CRIM1: variants seen among roughly 807,000 people sequenced by gnomAD.
The protein encoded by CRIM1 is cysteine rich transmembrane BMP regulator 1.
A neutral mutation model predicts 116.4 loss-of-function variants in CRIM1; 32 were observed. That is an observed-to-expected ratio of 0.27 (90% CI 0.21 to 0.37). CRIM1 has a LOEUF of 0.37. Among genes scored for constraint, CRIM1 ranks in the 10% least tolerant of loss-of-function variants. The probability of loss-of-function intolerance (pLI) is 1.00; values close to 1 mark genes in which losing one functional copy is unlikely to be tolerated. For synonymous variants in CRIM1, 590 were observed against 509.2 expected, an observed-to-expected ratio of 1.16 and a Z score of -2.13; for missense variants, 1,331 against 1,354.8, an observed-to-expected ratio of 0.98 and a Z score of 0.28.
intron 5 of CRIM1, among the ~76,000 whole-genome samples, chr2:36,474,847 C>CAAAAAAAAAAAAAAAAAAAAAA (rs56084308): frequency 3.3e-5 from 3 of 90,742 alleles, no homozygotes; most frequent in Non-Finnish European, 6.0e-5. Context: ...GACTCTATAT[C>CAAAAAAAAAAAAAAAAAAAAAA]AAAAAAAAAA....
At chr2:36,510,232 T>C (rs1421215910) in intron 9 of CRIM1, 93 bp downstream of exon 9, 2 of 1,264,678 alleles carry the variant, frequency 1.6e-6, no homozygotes, top group African/African-American at 3.0e-5. Context: ...TGTGAATTAA[T>C]CTATGGTATA....
chr2:36,527,094 G>A (rs1005640531), intron 13 of CRIM1, among the ~76,000 whole-genome samples: 5 of 151,848 alleles, frequency 3.3e-5, no homozygotes, highest in Non-Finnish European at 7.4e-5. Context: ...AAATTCTTGA[G>A]TCAGTGTATC....
chr2:36,361,345 C>T (rs1669210274), intron 1 of CRIM1, among the ~76,000 whole-genome samples: 1 of 152,114 alleles, frequency 6.6e-6, no homozygotes, highest in Admixed American at 6.5e-5. Context: ...CTGAACAGTC[C>T]TTAATCTGTG....
intron 14 of CRIM1, among the ~76,000 whole-genome samples, chr2:36,539,529 G>A (rs1666797086): frequency 6.6e-6 from 1 of 152,190 alleles, no homozygotes; most frequent in Non-Finnish European, 1.5e-5. Context: ...CCTTTGAATG[G>A]GATTTCTCTG....
At chr2:36,547,243 G>T (rs1474607249) in intron 16 of CRIM1, 72 bp downstream of exon 16, 31 of 1,258,604 alleles carry the variant, frequency 2.5e-5, no homozygotes, top group Non-Finnish European at 3.6e-5. Context: ...GAAATTGCTT[G>T]AAACCTTGTG....
chr2:36,535,778 A>T (rs574909395), intron 13 of CRIM1, among the ~76,000 whole-genome samples: 3 of 152,194 alleles, frequency 2.0e-5, no homozygotes, highest in South Asian at 4.1e-4. Flanking sequence ...TGCCCTCCTT[A>T]TCCATAACCA....
rs1432826917 is a variant in CRIM1, at chr2:36,396,741, G to A, written c.459G>A (p.Glu153=). Residue 153 remains glutamate (E), a synonymous_variant, in exon 2 of 17, where the codon GAG becomes GAA. Coordinates refer to ENST00000280527, the MANE Select transcript of CRIM1 (RefSeq NM_016441.3). ...TTCGAACCTGCAGCAATCCCTTTGAGTTTCCAAGTCAGGATATGTGCCTTT... is the reference window on the plus strand; with the variant it reads ...TTCGAACCTGCAGCAATCCCTTTGAATTTCCAAGTCAGGATATGTGCCTTT... ...NTIRTCSNPF[E]FPSQDMCLSA... 4.3e-6 allele frequency: 7 copies of A among 1,613,554 alleles called. No individual in the cohort carries two copies. The highest frequency in any genetic ancestry group is 5.9e-6 in the Non-Finnish European group (7 of 1,179,636).
chr2:36,416,209 A>AAATAATAATAATAATAATAAT (rs70946929), intron 2 of CRIM1, among the ~76,000 whole-genome samples: 9 of 149,954 alleles, frequency 6.0e-5, no homozygotes, highest in African/African-American at 2.0e-4. Flanking sequence ...TTTTGTCTCA[A>AAATAATAATAATAATAATAAT]AATAATAATA....
At chr2:36,427,465 A>G (rs1379065995) in intron 2 of CRIM1, among the ~76,000 whole-genome samples, 1 of 152,196 alleles carries the variant, frequency 6.6e-6, no homozygotes, top group Admixed American at 6.5e-5. Flanking sequence ...CCATGGCAGC[A>G]TGAGAGGGTC....
At chr2:36,405,765 C>T (rs1438278062) in intron 2 of CRIM1, among the ~76,000 whole-genome samples, 1 of 152,116 alleles carries the variant, frequency 6.6e-6, no homozygotes, top group Non-Finnish European at 1.5e-5. Context: ...AAAAGCATAT[C>T]TTATACATTG....
At chr2:36,359,943 G>T (rs553869905) in intron 1 of CRIM1, among the ~76,000 whole-genome samples, 22 of 152,306 alleles carry the variant, frequency 1.4e-4, no homozygotes, top group African/African-American at 5.1e-4. Flanking sequence ...TGGCCAGGCT[G>T]CCTGCCTCCA....
chr2:36,540,041 A>G (rs1666840914), intron 14 of CRIM1, among the ~76,000 whole-genome samples: 2 of 152,154 alleles, frequency 1.3e-5, no homozygotes, highest in Non-Finnish European at 2.9e-5. Context: ...GCAGGTGCAG[A>G]GGGCCTAGCA....
At chr2:36,546,961 G>A in intron 15 of CRIM1, 23 bp from the exon 16 acceptor site, 5 of 1,405,708 alleles carry the variant, frequency 3.6e-6, no homozygotes, top group South Asian at 1.2e-5. Flanking sequence ...GGTAATAAAT[G>A]CTTATAATTT....
At chr2:36,443,775 A>T (rs1676042262) in intron 4 of CRIM1, among the ~76,000 whole-genome samples, 1 of 152,194 alleles carries the variant, frequency 6.6e-6, no homozygotes, top group Non-Finnish European at 1.5e-5. Context: ...ATTTGTTCTG[A>T]TAATTACTTT....
chr2:36,495,171 A>G (rs997009371), intron 7 of CRIM1, among the ~76,000 whole-genome samples: 1 of 152,160 alleles, frequency 6.6e-6, no homozygotes. Context: ...GAAACACGCC[A>G]AAGATAGGGG....
chr2:36,435,812 A>G (rs1386311408), intron 2 of CRIM1, among the ~76,000 whole-genome samples: 1 of 152,024 alleles, frequency 6.6e-6, no homozygotes, highest in African/African-American at 2.4e-5. Flanking sequence ...GCCTGTCAAT[A>G]TTTTAATACT....
chr2:36,383,323 T>A (rs984433642), intron 1 of CRIM1, among the ~76,000 whole-genome samples: 1 of 152,260 alleles, frequency 6.6e-6, no homozygotes, highest in Non-Finnish European at 1.5e-5. Flanking sequence ...TTTTAAAATA[T>A]CTGAAAGTTA....
chr2:36,480,721 T>C (rs1465186268), intron 7 of CRIM1, among the ~76,000 whole-genome samples: 4 of 152,202 alleles, frequency 2.6e-5, no homozygotes, highest in African/African-American at 9.7e-5. Context: ...AAGTTTAAGC[T>C]TGAGGCCTCT....
At chr2:36,461,019 G>A (rs1677540090) in intron 4 of CRIM1, among the ~76,000 whole-genome samples, 1 of 152,196 alleles carries the variant, frequency 6.6e-6, no homozygotes, top group South Asian at 2.1e-4. Flanking sequence ...AAAATGAAGG[G>A]AAATACTGGG....
Sources: allele counts gnomAD v4.1 joint callset (sites outside exome capture counted in the v4.1 genomes callset), GRCh38; gene constraint gnomAD v4.1.1; transcripts MANE v1.5; gene names NCBI Gene and HGNC (gene_info 2026-07-23, HGNC 2026-07-21).